C1QTNF3: variants seen among roughly 807,000 people sequenced by gnomAD.
C1QTNF3 encodes complement C1q tumor necrosis factor-related protein 3.
C1QTNF3 carries 26 observed loss-of-function variants against 32.6 expected under a neutral mutation model. That is an observed-to-expected ratio of 0.80 (90% CI 0.58 to 1.11). The LOEUF (loss-of-function observed/expected upper bound fraction) is 1.11, where lower values mean the gene tolerates loss of function less well. Among genes scored for constraint, C1QTNF3 ranks in the 50% least tolerant of loss-of-function variants. The pLI is 0.00. For synonymous variants in C1QTNF3, 155 were observed against 146.0 expected, an observed-to-expected ratio of 1.06 and a Z score of -0.44; for missense variants, 362 against 398.2, an observed-to-expected ratio of 0.91 and a Z score of 0.77.
chr5:34,226,394 C>CA, the C1QTNF3 span, among the ~76,000 whole-genome samples: 1 of 151,372 alleles, frequency 6.6e-6, no homozygotes, highest in Non-Finnish European at 1.5e-5. Context: ...ATTTTCAGTT[C>CA]AAAAAAACAC....
At chr5:34,112,607 T>C in the C1QTNF3 span, among the ~76,000 whole-genome samples, 1 of 151,962 alleles carries the variant, frequency 6.6e-6, no homozygotes, top group African/African-American at 2.4e-5. Flanking sequence ...AGTTCAAGGC[T>C]ACAGTGAGGT....
chr5:34,165,948 A>G, the C1QTNF3 span: 1 of 146,586 alleles, frequency 6.8e-6, no homozygotes, highest in South Asian at 2.3e-4. Context: ...TAATTTTTAT[A>G]TATGAGTGAA....
chr5:34,021,176 T>C lies in C1QTNF3; in HGVS notation c.801-434A>G, dbSNP rs1754319126. 2.0e-5 allele frequency among the ~76,000 whole-genome samples: 3 copies of C among 152,278 alleles called. No homozygotes were observed. The East Asian group carries it at 5.8e-4, about 29-fold the overall frequency. On this transcript the variant is annotated intron_variant, in intron 5 of 5. Coordinates refer to ENST00000382065, the MANE Select transcript of C1QTNF3 (RefSeq NM_181435.6). ...TTCCCCTAACCAAGCTAGAATTTGG[T>C]ACAAAAGGAGGCTGCTCCGCAACCC...
At chr5:34,233,136 A>T in the C1QTNF3 span, among the ~76,000 whole-genome samples, 1 of 150,538 alleles carries the variant, frequency 6.6e-6, no homozygotes, top group Non-Finnish European at 1.5e-5. Context: ...GGAATAATCT[A>T]TTGGGGCCCT....
the C1QTNF3 span, among the ~76,000 whole-genome samples, chr5:34,148,079 CAAAG>C: frequency 6.6e-6 from 1 of 151,490 alleles, no homozygotes; most frequent in Non-Finnish European, 1.5e-5. Flanking sequence ...CTTTCCGAGT[CAAAG>C]AAAGGGGTGA....
chr5:34,075,963 A>C, the C1QTNF3 span, among the ~76,000 whole-genome samples: 1 of 151,412 alleles, frequency 6.6e-6, no homozygotes, highest in Admixed American at 6.6e-5. Context: ...ATTTTGACAC[A>C]AGTTGGAATA....
the C1QTNF3 span, among the ~76,000 whole-genome samples, chr5:34,215,409 A>G: frequency 2.6e-5 from 4 of 152,142 alleles, no homozygotes; most frequent in Non-Finnish European, 5.9e-5. Flanking sequence ...GAATGTAGTT[A>G]TACTCCTGCT....
At chr5:34,231,544 T>C in the C1QTNF3 span, among the ~76,000 whole-genome samples, 2 of 152,334 alleles carry the variant, frequency 1.3e-5, no homozygotes, top group East Asian at 1.9e-4. Context: ...TGCTCATTCA[T>C]GGAGTGTGTA....
At chr5:34,236,569 TC>T in the C1QTNF3 span, among the ~76,000 whole-genome samples, 5,793 of 38,876 alleles carry the variant, frequency 0.15, 1,206 homozygotes, top group Non-Finnish European at 0.32. Flanking sequence ...TTTTCTTTTT[TC>T]TTTTTTTTTT....
the C1QTNF3 span, among the ~76,000 whole-genome samples, chr5:34,123,820 G>A: frequency 4.6e-5 from 7 of 152,202 alleles, no homozygotes; most frequent in East Asian, 1.3e-3. Context: ...TTAAAGCAAA[G>A]CTTCAAACAA....
At chr5:34,029,909 GTA>G (rs1226950401) in intron 3 of C1QTNF3, among the ~76,000 whole-genome samples, 1 of 152,122 alleles carries the variant, frequency 6.6e-6, no homozygotes, top group East Asian at 1.9e-4. Context: ...ATGTATATAA[GTA>G]TGCATAAATC....
At chr5:34,136,719 A>G in the C1QTNF3 span, among the ~76,000 whole-genome samples, 2 of 152,206 alleles carry the variant, frequency 1.3e-5, no homozygotes, top group Non-Finnish European at 2.9e-5. Context: ...TTGCAACACT[A>G]TTCACAATAG....
At chr5:34,140,884 A>G in the C1QTNF3 span, among the ~76,000 whole-genome samples, 1 of 152,174 alleles carries the variant, frequency 6.6e-6, no homozygotes, top group East Asian at 1.9e-4. Context: ...AAATAAATCA[A>G]TATGTTGCTT....
the C1QTNF3 span, among the ~76,000 whole-genome samples, chr5:34,115,704 C>G: frequency 6.0e-5 from 9 of 149,678 alleles, no homozygotes; most frequent in Non-Finnish European, 1.2e-4. Context: ...GTACTCCAGC[C>G]TGGGTGACAG....
At chr5:34,078,658 A>ACCAT in the C1QTNF3 span, among the ~76,000 whole-genome samples, 15 of 151,686 alleles carry the variant, frequency 9.9e-5, no homozygotes, top group East Asian at 2.1e-3. The surrounding 1 kb of genome is among the most constrained non-coding windows in gnomAD (Gnocchi z 4.0). Context: ...ACACAGACGC[A>ACCAT]CCATATCACC....
chr5:34,226,762 C>T, the C1QTNF3 span, among the ~76,000 whole-genome samples: 1 of 151,306 alleles, frequency 6.6e-6, no homozygotes, highest in Non-Finnish European at 1.5e-5. Context: ...ATTTCGTATG[C>T]TGTATGTATT....
At chr5:34,022,968 G>A (rs1192545720) in intron 5 of C1QTNF3, among the ~76,000 whole-genome samples, 1 of 152,152 alleles carries the variant, frequency 6.6e-6, no homozygotes, top group Non-Finnish European at 1.5e-5. Flanking sequence ...CCATTCTCCT[G>A]CCTCAGCCTC....
the C1QTNF3 span, among the ~76,000 whole-genome samples, chr5:34,218,859 C>A: frequency 6.6e-6 from 1 of 151,852 alleles, no homozygotes; most frequent in Admixed American, 6.6e-5. Context: ...CAAAAAAGTA[C>A]CCTTATTATG....
the C1QTNF3 span, among the ~76,000 whole-genome samples, chr5:34,053,591 A>C: frequency 2.0e-5 from 3 of 152,188 alleles, no homozygotes; most frequent in Non-Finnish European, 2.9e-5. Flanking sequence ...GTTTTTATGC[A>C]CCTAACCGGC....
Sources: allele counts gnomAD v4.1 joint callset (sites outside exome capture counted in the v4.1 genomes callset), GRCh38; gene constraint gnomAD v4.1.1; non-coding constraint Gnocchi (gnomAD v3.1); transcripts MANE v1.5; gene names NCBI Gene and HGNC (gene_info 2026-07-23, HGNC 2026-07-21).